The following ITGA2B variants were observed in gnomAD, a reference collection of about 807,000 sequenced individuals.
The protein encoded by ITGA2B is integrin alpha-IIb.
Under a neutral mutation model 142.0 loss-of-function variants are expected in ITGA2B, and 91 were observed. That is an observed-to-expected ratio of 0.64 (90% CI 0.54 to 0.76). The LOEUF (loss-of-function observed/expected upper bound fraction) is 0.76. Ranked by LOEUF, ITGA2B falls within the 30% of genes least tolerant of loss-of-function variation. The probability of loss-of-function intolerance (pLI) is 0.00; values close to 1 mark genes in which losing one functional copy is unlikely to be tolerated. For synonymous variants in ITGA2B, 536 were observed against 567.2 expected, an observed-to-expected ratio of 0.94 and a Z score of 0.78; for missense variants, 1,231 against 1,350.8, an observed-to-expected ratio of 0.91 and a Z score of 1.39.
intron 29 of ITGA2B, among the ~76,000 whole-genome samples, chr17:44,373,517 C>A (rs778443935): frequency 2.6e-4 from 40 of 152,134 alleles, no homozygotes; most frequent in Admixed American, 6.5e-5. Flanking sequence ...GGGTCTAGTG[C>A]GTGGTTTTCC....
chr17:44,384,849 G>C (rs1182496429), intron 7 of ITGA2B, 99 bp downstream of exon 7: 5 of 1,582,850 alleles, frequency 3.2e-6, no homozygotes, highest in Admixed American at 3.3e-5. Flanking sequence ...TGGGTTGGCC[G>C]GCAGGGGTGG....
At position 44,372,264 on chromosome 17, in the gene ITGA2B, T is replaced by C. The variant is rs1167184655; in HGVS notation, c.*100A>G. Reference sequence around the variant, plus strand: ...GGGAAACGACACCAAGAGGACCCAATGGAACAGCTCCAACCCAAAGCTTGG... The same window carrying C: ...GGGAAACGACACCAAGAGGACCCAACGGAACAGCTCCAACCCAAAGCTTGG... On this transcript the variant is annotated 3_prime_UTR_variant, in exon 30 of 30. Coordinates refer to ENST00000262407, the MANE Select transcript of ITGA2B (RefSeq NM_000419.5). 8 of 1,238,388 alleles carry C rather than the reference T, an allele frequency of 6.5e-6. No homozygotes were observed. In the Admixed American group the frequency reaches 1.0e-4, roughly 16 times the overall value. 76.7% of individuals were successfully genotyped at this position (1,238,388 alleles called of 1,614,324 possible).
At chr17:44,386,157 C>T (rs1259406869) in intron 1 of ITGA2B, 26 bp from the exon 2 acceptor site, 1 of 1,568,820 alleles carries the variant, frequency 6.4e-7, no homozygotes, top group African/African-American at 1.3e-5. Context: ...GGGTGAGCGC[C>T]GCGCAGATTC....
chr17:44,377,653 A>C (rs765722046), intron 21 of ITGA2B, 45 bp downstream of exon 21: 1 of 1,284,852 alleles, frequency 7.8e-7, no homozygotes, highest in Non-Finnish European at 1.1e-6. Flanking sequence ...CTGGTTATTC[A>C]TGAGCCCCTG....
chr17:44,388,818 CTTTTTTTT>C (rs758076614), intron 1 of ITGA2B, among the ~76,000 whole-genome samples: 1 of 132,200 alleles, frequency 7.6e-6, no homozygotes, highest in African/African-American at 2.9e-5. Flanking sequence ...TGCCTGGTCT[CTTTTTTTT>C]TTTTTTTTTT....
chr17:44,375,790 T>C, intron 25 of ITGA2B, 43 bp downstream of exon 25: 3 of 1,557,718 alleles, frequency 1.9e-6, no homozygotes, highest in Non-Finnish European at 2.6e-6. Flanking sequence ...CGGTGGTTGG[T>C]CTGGGGCCGC....
At chr17:44,377,281 C>T (rs988844557) in intron 21 of ITGA2B, among the ~76,000 whole-genome samples, 193 bp from the exon 22 acceptor site, 5 of 151,960 alleles carry the variant, frequency 3.3e-5, no homozygotes, top group Non-Finnish European at 7.4e-5. Context: ...CTGCAACCTC[C>T]ACCTCCCAGG....
chr17:44,376,363 T>A lies in ITGA2B; in HGVS notation c.2293A>T (p.Lys765Ter), dbSNP rs770815377. 1.9e-6 allele frequency: 3 copies of A among 1,614,156 alleles called. No homozygotes were observed. In the South Asian group the frequency reaches 3.3e-5, roughly 18 times the overall value. The change falls in exon 23 of 30, where the codon AAG becomes TAG. Residue 765 changes from lysine to a stop codon, truncating the protein, a stop_gained. Coordinates refer to ENST00000262407, the MANE Select transcript of ITGA2B (RefSeq NM_000419.5). LOFTEE classifies it high-confidence loss of function. ...ACCGGCACGTCCAGCAGCACAATCT[T>A]GCTGTTTGGATTCTGGCTGTTCTTG... ...RSKNSQNPNS[K>*]IVLLDVPVRA...
At chr17:44,384,198 G>T in intron 9 of ITGA2B, 60 bp from the exon 10 acceptor site, 3 of 1,585,950 alleles carry the variant, frequency 1.9e-6, no homozygotes, top group Non-Finnish European at 2.6e-6. Context: ...TCCCACTCCA[G>T]GTGAGAAAGG....
At chr17:44,379,644 A>G (rs201295296) in intron 18 of ITGA2B, 45 bp downstream of exon 18, 191 of 1,613,424 alleles carry the variant, frequency 1.2e-4, no homozygotes, top group Admixed American at 7.7e-4. Flanking sequence ...CTGATTTGCT[A>G]TCAGGGGTCC....
At position 44,389,328 on chromosome 17, in the gene ITGA2B, T is replaced by A; in HGVS notation, c.146A>T (p.Gln49Leu). The A allele has an allele frequency of 2.5e-6, 4 of 1,614,122 alleles. No homozygotes were observed. The change falls in exon 1 of 30, where the codon CAG (glutamine) becomes CTG (leucine). Residue 49 changes from glutamine to leucine, a missense_variant. Transcript: ENST00000262407. ...LTFYAGPNGS[Q>L]FGFSLDFHKD... ...GTGGAAGTCCAGTGAAAATCCAAAC[T>A]GGCTGCCATTGGGGCCTGCATAGAA...
intron 18 of ITGA2B, 69 bp downstream of exon 18, chr17:44,379,620 C>A (rs1204720746): frequency 3.7e-6 from 6 of 1,610,756 alleles, no homozygotes; most frequent in Non-Finnish European, 5.1e-6. Context: ...TGTGACTTGG[C>A]ACTAACCCTA....
Position 44,386,107 on chromosome 17 carries a change from C to T in ITGA2B, c.213G>A (p.Pro71=), listed in dbSNP as rs750236868. The T allele has an allele frequency of 6.9e-6, 11 of 1,604,388 alleles. No individual in the cohort carries two copies. Among genetic ancestry groups the T allele is most frequent in the African/African-American group, 1.3e-5 (1 of 74,874 alleles). ...CCTCCTGGCTGGGGCCCAGGGTCCG[C>T]GGGGCGCCCACCACGATGGCCACTC... ...HGRVAIVVGA[P]RTLGPSQEET... Residue 71 remains proline, a synonymous_variant, in exon 2 of 30, where the codon CCG becomes CCA. Coordinates refer to ENST00000262407, the MANE Select transcript of ITGA2B (RefSeq NM_000419.5).
Position 44,389,336 on chromosome 17 carries a change from A to G in ITGA2B, c.138T>C (p.Asn46=), listed in dbSNP as rs753794676. 1 of 1,614,138 alleles carries G rather than the reference A, an allele frequency of 6.2e-7. No homozygotes were observed. Among genetic ancestry groups the G allele is most frequent in the East Asian group, 2.2e-5 (1 of 44,868 alleles). Residue 46 remains asparagine, a synonymous_variant, in exon 1 of 30, where the codon AAT becomes AAC. Coordinates refer to ENST00000262407, the MANE Select transcript of ITGA2B (RefSeq NM_000419.5). ...CCAGTGAAAATCCAAACTGGCTGCC[A>G]TTGGGGCCTGCATAGAAGGTGAGCT... ...PVQLTFYAGP[N]GSQFGFSLDF...
In ITGA2B at chr17:44,376,000, G is replaced by T; in HGVS notation, c.2449-15C>A. 1 of 1,614,080 alleles carries T rather than the reference G, an allele frequency of 6.2e-7. No individual in the cohort carries two copies. The highest frequency in any genetic ancestry group is 8.5e-7 in the Non-Finnish European group (1 of 1,180,000). On this transcript the variant is annotated splice_polypyrimidine_tract_variant and intron_variant, in intron 24 of 29. Transcript: ENST00000262407. ...TTGTTGTGGAGCTGAAGGGGTGGTGGTGGCAGGGTGTGGGGAGCTTAGCGC... is the reference window on the plus strand; with the variant it reads ...TTGTTGTGGAGCTGAAGGGGTGGTGTTGGCAGGGTGTGGGGAGCTTAGCGC...
At position 44,380,807 on chromosome 17, in the gene ITGA2B, G is replaced by A. The variant is rs1487082304; in HGVS notation, c.1393+72C>T. 6.9e-6 allele frequency: 11 copies of A among 1,601,446 alleles called. No individual in the cohort carries two copies. The Admixed American group carries it at 1.5e-4, about 22-fold the overall frequency. ...AGGCCAGGCATGAGCCCCTGGCCGT[G>A]TCTCTTGGCACTTCCAGCGAATGTC... On this transcript the variant is annotated intron_variant, in intron 13 of 29. Coordinates refer to ENST00000262407, the MANE Select transcript of ITGA2B (RefSeq NM_000419.5).
At position 44,381,081 on chromosome 17, in the gene ITGA2B, G is replaced by T. The variant is rs775696274; in HGVS notation, c.1211-20C>A. On this transcript the variant is annotated intron_variant, in intron 12 of 29. Transcript: ENST00000262407. ...CAATGTCTGGAAGGAGTAACAGAAA[G>T]GAAGTGGCTGATTGTTATTCAGCCT... 2.0e-5 allele frequency: 32 copies of T among 1,610,974 alleles called. No homozygotes were observed. Among genetic ancestry groups the T allele is most frequent in the Non-Finnish European group, 2.7e-5 (32 of 1,178,640 alleles).
intron 12 of ITGA2B, among the ~76,000 whole-genome samples, chr17:44,382,300 G>GT (rs113598722): frequency 0.012 from 1,707 of 145,622 alleles, 38 homozygotes; most frequent in African/African-American, 0.038. Context: ...AGTCAAACAT[G>GT]TTTTTTTTTT....
At chr17:44,374,860 C>T (rs2048525899) in intron 27 of ITGA2B, 100 bp from the exon 28 acceptor site, 3 of 1,269,126 alleles carry the variant, frequency 2.4e-6, no homozygotes, top group Non-Finnish European at 2.3e-6. Context: ...CTGCCTCTGA[C>T]CTAATCCCAC....
Sources: gnomAD v4.1 joint callset for allele counts (sites outside exome capture counted in the v4.1 genomes callset) on GRCh38, gnomAD v4.1.1 for gene constraint, MANE v1.5 for transcripts, NCBI Gene and HGNC (gene_info 2026-07-23, HGNC 2026-07-21) for gene names.